Variants in GALNT13 observed in about 807,000 individuals in gnomAD.
GALNT13 encodes the protein polypeptide N-acetylgalactosaminyltransferase 13, also known as UDP-GalNAc:polypeptide N-acetylgalactosaminyltransferase 13.
A neutral mutation model predicts 64.2 loss-of-function variants in GALNT13; 28 were observed. The ratio of observed to expected loss-of-function variants is 0.44; its 90% confidence interval spans 0.32 to 0.60. The LOEUF (loss-of-function observed/expected upper bound fraction) is 0.60. Ranked by LOEUF, GALNT13 falls within the 20% of genes least tolerant of loss-of-function variation. The pLI, the probability that GALNT13 is intolerant of heterozygous loss-of-function variation, is 0.05. For missense variants in GALNT13, 577 were observed against 669.8 expected, an observed-to-expected ratio of 0.86 and a Z score of 1.53; for synonymous variants, 214 against 224.6, an observed-to-expected ratio of 0.95 and a Z score of 0.42.
the GALNT13 span, among the ~76,000 whole-genome samples, chr2:153,685,998 CTG>C: frequency 6.6e-6 from 1 of 151,972 alleles, no homozygotes; most frequent in African/African-American, 2.4e-5. Context: ...CTCCATTGGT[CTG>C]TGTGTCTGTT....
At chr2:153,280,520 C>T in the GALNT13 span, among the ~76,000 whole-genome samples, 1 of 152,118 alleles carries the variant, frequency 6.6e-6, no homozygotes, top group African/African-American at 2.4e-5. Flanking sequence ...AAACCTTCCT[C>T]TTGAAATTGC....
chr2:153,123,159 CAGAGACAGG>C, the GALNT13 span, among the ~76,000 whole-genome samples: 1 of 152,044 alleles, frequency 6.6e-6, no homozygotes, highest in South Asian at 2.1e-4. Flanking sequence ...AAGACAGAGG[CAGAGACAGG>C]AGAGATGCAT....
At chr2:153,715,353 G>A in the GALNT13 span, among the ~76,000 whole-genome samples, 10 of 152,326 alleles carry the variant, frequency 6.6e-5, no homozygotes, top group Admixed American at 3.9e-4. Context: ...CAGAGGTAGC[G>A]GCTGATTGCT....
the GALNT13 span, among the ~76,000 whole-genome samples, chr2:153,141,193 T>C: frequency 1.3e-5 from 2 of 152,048 alleles, no homozygotes; most frequent in African/African-American, 2.4e-5. Flanking sequence ...TTGTAGCAGA[T>C]AGCAGTTTTT....
At chr2:153,761,556 A>G in the GALNT13 span, 1 of 152,516 alleles carries the variant, frequency 6.6e-6, no homozygotes, top group South Asian at 2.1e-4. Context: ...AAAATACACC[A>G]GTTCTAACTT....
chr2:153,713,727 A>G, the GALNT13 span, among the ~76,000 whole-genome samples: 3 of 152,066 alleles, frequency 2.0e-5, no homozygotes, highest in Admixed American at 6.6e-5. Flanking sequence ...CAAGTGATCC[A>G]CCTTCCTTGG....
the GALNT13 span, among the ~76,000 whole-genome samples, chr2:153,111,077 C>T: frequency 5.9e-5 from 9 of 151,992 alleles, no homozygotes; most frequent in Non-Finnish European, 1.3e-4. Flanking sequence ...GAATCTGCTT[C>T]GTAAATGGCA....
intron 1 of GALNT13, among the ~76,000 whole-genome samples, chr2:153,891,921 T>C (rs1431135313): frequency 1.3e-5 from 2 of 152,024 alleles, no homozygotes; most frequent in Non-Finnish European, 2.9e-5. Context: ...CCTGGACTTA[T>C]CATAGAAGTC....
At chr2:153,649,129 C>T in the GALNT13 span, among the ~76,000 whole-genome samples, 2 of 152,112 alleles carry the variant, frequency 1.3e-5, no homozygotes, top group East Asian at 1.9e-4. Flanking sequence ...TTAATTATTG[C>T]CTCAGTTTCA....
chr2:154,240,857 G>A (rs1689444830), intron 4 of GALNT13, among the ~76,000 whole-genome samples: 1 of 152,166 alleles, frequency 6.6e-6, no homozygotes, highest in East Asian at 1.9e-4. Context: ...TTATTGAGTG[G>A]AGGTAGCTCT....
intron 3 of GALNT13, among the ~76,000 whole-genome samples, chr2:153,987,586 A>G (rs1417234008): frequency 6.6e-6 from 1 of 151,876 alleles, no homozygotes; most frequent in Non-Finnish European, 1.5e-5. Flanking sequence ...GGGCATATTA[A>G]CTTATGAAAG....
chr2:153,948,660 G>A (rs1485237177), intron 3 of GALNT13, among the ~76,000 whole-genome samples: 2 of 152,106 alleles, frequency 1.3e-5, no homozygotes, highest in Admixed American at 6.6e-5. Context: ...ATACACTATG[G>A]AATACTATGC....
chr2:153,665,620 G>C, the GALNT13 span, among the ~76,000 whole-genome samples: 1 of 152,046 alleles, frequency 6.6e-6, no homozygotes, highest in Non-Finnish European at 1.5e-5. Context: ...GATAAAAAGG[G>C]GGTGAACAAA....
At chr2:153,201,261 G>T in the GALNT13 span, among the ~76,000 whole-genome samples, 4 of 152,140 alleles carry the variant, frequency 2.6e-5, no homozygotes, top group Non-Finnish European at 5.9e-5. Context: ...TGCTTGGTGG[G>T]TCTGTTGTCA....
chr2:153,968,692 G>T (rs958483036), intron 3 of GALNT13, among the ~76,000 whole-genome samples: 2 of 152,110 alleles, frequency 1.3e-5, no homozygotes, highest in East Asian at 3.9e-4. Flanking sequence ...TATATTCTTA[G>T]ACTGGATTAT....
chr2:153,094,166 A>G, the GALNT13 span, among the ~76,000 whole-genome samples: 1 of 151,574 alleles, frequency 6.6e-6, no homozygotes, highest in African/African-American at 2.4e-5. Flanking sequence ...TTCTGACTTT[A>G]TTTTTTTCAT....
chr2:153,707,967 C>A, the GALNT13 span, among the ~76,000 whole-genome samples: 1 of 152,008 alleles, frequency 6.6e-6, no homozygotes, highest in Non-Finnish European at 1.5e-5. Flanking sequence ...CTCTTATGGG[C>A]TCCATTAAAT....
intron 8 of GALNT13, among the ~76,000 whole-genome samples, chr2:154,285,720 A>T: frequency 6.6e-6 from 1 of 152,072 alleles, no homozygotes; most frequent in Non-Finnish European, 1.5e-5. Flanking sequence ...CTTCCATATG[A>T]ACTTAAGGAT....
At chr2:153,285,953 T>C in the GALNT13 span, among the ~76,000 whole-genome samples, 1 of 152,090 alleles carries the variant, frequency 6.6e-6, no homozygotes, top group African/African-American at 2.4e-5. Flanking sequence ...ATTATACCTA[T>C]GAAACACAAG....
Sources: allele counts gnomAD v4.1 joint callset (sites outside exome capture counted in the v4.1 genomes callset), GRCh38; gene constraint gnomAD v4.1.1; transcripts MANE v1.5; gene names NCBI Gene and HGNC (gene_info 2026-07-23, HGNC 2026-07-21).